The following GTF2A1L variants were observed in gnomAD, a reference collection of about 807,000 sequenced individuals.
GTF2A1L encodes the protein TFIIA-alpha and beta-like factor.
GTF2A1L carries 48 observed loss-of-function variants against 49.7 expected under a neutral mutation model. The observed-to-expected ratio is 0.97, with a 90% CI of 0.77 to 1.23. The LOEUF is 1.23. GTF2A1L is among the 50% of genes most tolerant of loss of function. The pLI is 0.00. For synonymous variants in GTF2A1L, 246 were observed against 193.5 expected, an observed-to-expected ratio of 1.27 and a Z score of -2.25; for missense variants, 736 against 564.8, an observed-to-expected ratio of 1.30 and a Z score of -3.07.
chr2:48,619,924 T>A (rs1675883855), intron 1 of GTF2A1L, among the ~76,000 whole-genome samples: 2 of 152,228 alleles, frequency 1.3e-5, no homozygotes, highest in African/African-American at 4.8e-5. Flanking sequence ...TGGGTAAGGT[T>A]GTTCGTGCCC....
Position 48,679,561 on chromosome 2 carries a change from G to T in GTF2A1L, c.*119G>T. 1 of 1,461,732 alleles carries T rather than the reference G, an allele frequency of 6.8e-7. No individual in the cohort carries two copies. Among genetic ancestry groups the T allele is most frequent in the South Asian group, 1.4e-5 (1 of 69,946 alleles). The allele number at this position is 1,461,732 out of a possible 1,614,324, so 90.5% of individuals were successfully genotyped here. A position where few individuals can be genotyped will look rare whatever the true frequency, so the allele number is the denominator to read the frequency against. On this transcript the variant is annotated 3_prime_UTR_variant, in exon 9 of 9. Transcript: ENST00000403751. The stretch of plus-strand genomic sequence containing the variant: ...GAGCTGTTCAAATTTTTAGTTCACT[G>T]TATGGAATTTAATAAAATTATAATT...
intron 3 of GTF2A1L, among the ~76,000 whole-genome samples, chr2:48,638,996 G>T (rs1677057196): frequency 2.0e-5 from 3 of 151,952 alleles, no homozygotes; most frequent in Non-Finnish European, 4.4e-5. Context: ...AGCTAACCAG[G>T]GAGGTGAAAG....
At chr2:48,667,755 G>A (rs1046413141) in intron 6 of GTF2A1L, among the ~76,000 whole-genome samples, 2 of 151,898 alleles carry the variant, frequency 1.3e-5, no homozygotes, top group Non-Finnish European at 2.9e-5. Context: ...CTTTTTTGAG[G>A]GTTCATTATT....
At chr2:48,659,636 A>T (rs190208921) in intron 6 of GTF2A1L, among the ~76,000 whole-genome samples, 1 of 151,374 alleles carries the variant, frequency 6.6e-6, no homozygotes, top group African/African-American at 2.4e-5. Context: ...TTTTGTCTTT[A>T]TTTTCTTTCA....
At position 48,620,898 on chromosome 2, in the gene GTF2A1L, G is replaced by A. The variant is rs752043822; in HGVS notation, c.69G>A (p.Arg23=). 1.7e-5 allele frequency: 27 copies of A among 1,604,498 alleles called. No homozygotes were observed. Among genetic ancestry groups the A allele is most frequent in the Middle Eastern group, 1.7e-4 (1 of 6,054 alleles). ...TTGAAGATGTAATTGAAGGAGTTCGGAATCTATTTGCTGAAGAAGGTATAG... is the reference window on the plus strand; with the variant it reads ...TTGAAGATGTAATTGAAGGAGTTCGAAATCTATTTGCTGAAGAAGGTATAG... The part of the protein sequence containing the change: ...SVIEDVIEGV[R]NLFAEEGIEE... Residue 23 remains arginine, a synonymous_variant, in exon 2 of 9, where the codon CGG becomes CGA. Transcript: ENST00000403751.
chr2:48,621,351 A>G, intron 3 of GTF2A1L, 61 bp downstream of exon 3: 2 of 1,610,310 alleles, frequency 1.2e-6, no homozygotes, highest in Middle Eastern at 1.7e-4. Flanking sequence ...TCATTTGGGA[A>G]TGTTTTTCAG....
At chr2:48,649,230 A>C (rs6712782) in intron 6 of GTF2A1L, among the ~76,000 whole-genome samples, 1 of 152,126 alleles carries the variant, frequency 6.6e-6, no homozygotes. Context: ...AATGTTTTCA[A>C]GGTTAGTCGA....
chr2:48,621,305 G>A lies in GTF2A1L; in HGVS notation c.247+15G>A, dbSNP rs767048760. ...ATCGTCAACAGGTTGGATACCATTAGTAAATGAGTACTGTTAGTATCTTCA... is the reference window on the plus strand; with the variant it reads ...ATCGTCAACAGGTTGGATACCATTAATAAATGAGTACTGTTAGTATCTTCA... On this transcript the variant is annotated intron_variant, in intron 3 of 8. Transcript: ENST00000403751. 5 of 1,613,814 alleles carry A rather than the reference G, an allele frequency of 3.1e-6. No homozygotes were observed. The highest frequency in any genetic ancestry group is 3.4e-6 in the Non-Finnish European group (4 of 1,179,942).
chr2:48,629,373 A>G (rs901979497), intron 3 of GTF2A1L, among the ~76,000 whole-genome samples: 6 of 144,762 alleles, frequency 4.1e-5, no homozygotes, highest in African/African-American at 1.2e-4. Context: ...TATGGAAGGC[A>G]TGTAAGAATT....
At chr2:48,676,443 A>G (rs1484987484) in intron 8 of GTF2A1L, among the ~76,000 whole-genome samples, 1 of 151,856 alleles carries the variant, frequency 6.6e-6, no homozygotes, top group Non-Finnish European at 1.5e-5. Context: ...TGCCATTGTG[A>G]AAGATGAAAA....
chr2:48,662,120 T>A (rs541189833), intron 6 of GTF2A1L, among the ~76,000 whole-genome samples: 1 of 152,338 alleles, frequency 6.6e-6, no homozygotes, highest in Non-Finnish European at 1.5e-5. Flanking sequence ...TTTAATCAGA[T>A]AGTCACTTAA....
intron 4 of GTF2A1L, among the ~76,000 whole-genome samples, chr2:48,643,693 ATTTTTTTTTTTTT>A (rs71399070): frequency 0.17 from 20,500 of 120,956 alleles, 1,730 homozygotes; most frequent in African/African-American, 0.27. Context: ...TATTAATACA[ATTTTTTTTTTTTT>A]TTTTTTTTTT....
chr2:48,646,400 C>A, intron 5 of GTF2A1L, 53 bp from the exon 6 acceptor site: 1 of 1,286,050 alleles, frequency 7.8e-7, no homozygotes, highest in Non-Finnish European at 1.0e-6. Flanking sequence ...TGGTGGTTGT[C>A]AAAGGAAATT....
chr2:48,623,570 C>T (rs1676132640), intron 3 of GTF2A1L, among the ~76,000 whole-genome samples: 1 of 152,136 alleles, frequency 6.6e-6, no homozygotes, highest in South Asian at 2.1e-4. Context: ...TAGGCATTTA[C>T]CCGAAAGAAA....
At chr2:48,636,767 G>T (rs1676912110) in intron 3 of GTF2A1L, among the ~76,000 whole-genome samples, 1 of 152,046 alleles carries the variant, frequency 6.6e-6, no homozygotes, top group Admixed American at 6.6e-5. Context: ...AGAGACAAAT[G>T]GGGTTCTATT....
chr2:48,622,739 C>A (rs894654578), intron 3 of GTF2A1L, among the ~76,000 whole-genome samples: 10 of 150,824 alleles, frequency 6.6e-5, no homozygotes, highest in African/African-American at 2.2e-4. Context: ...GAGGCTGAGG[C>A]AGGATAATCA....
chr2:48,646,454 T>A lies in GTF2A1L; in HGVS notation c.390T>A (p.Gly130=), dbSNP rs2104199451. Residue 130 remains glycine, a splice_region_variant and synonymous_variant, in exon 6 of 9, where the codon GGT becomes GGA. Transcript: ENST00000403751. Reference sequence around the variant, plus strand: ...CAATTTTGCTTTCTCCTTTTTAAGGTCACCTTTATAAAGTCAATGTACCAA... The same window carrying A: ...CAATTTTGCTTTCTCCTTTTTAAGGACACCTTTATAAAGTCAATGTACCAA... ...PAGVTLQTVS[G]HLYKVNVPIM... 1 of 1,574,714 alleles carries A rather than the reference T, an allele frequency of 6.4e-7. No homozygotes were observed. Among genetic ancestry groups the A allele is most frequent in the East Asian group, 2.2e-5 (1 of 44,454 alleles).
At chr2:48,624,411 A>T (rs1354849231) in intron 3 of GTF2A1L, among the ~76,000 whole-genome samples, 1 of 143,786 alleles carries the variant, frequency 7.0e-6, no homozygotes, top group Non-Finnish European at 1.6e-5. Flanking sequence ...ATCTATTTCT[A>T]TTTATTTACA....
chr2:48,642,731 T>C (rs112362845), intron 4 of GTF2A1L, among the ~76,000 whole-genome samples: 6,473 of 151,112 alleles, frequency 0.043, 166 homozygotes, highest in Non-Finnish European at 0.06. Context: ...GGTGGGCGCC[T>C]AGTAATCCCA....
Sources: gnomAD v4.1 joint callset for allele counts (sites outside exome capture counted in the v4.1 genomes callset) on GRCh38, gnomAD v4.1.1 for gene constraint, MANE v1.5 for transcripts, NCBI Gene and HGNC (gene_info 2026-07-23, HGNC 2026-07-21) for gene names.